The following DNAH5 variants were observed in gnomAD, a reference collection of about 807,000 sequenced individuals.
DNAH5 encodes the protein dynein axonemal heavy chain 5, also known as axonemal beta dynein heavy chain 5.
In DNAH5, 372 loss-of-function variants were observed where a neutral mutation model predicts 518.2. The observed-to-expected ratio is 0.72, with a 90% CI of 0.66 to 0.78. DNAH5 has a LOEUF of 0.78. Among genes scored for constraint, DNAH5 ranks in the 30% least tolerant of loss-of-function variants. The pLI, the probability that DNAH5 is intolerant of heterozygous loss-of-function variation, is 0.00. For missense variants in DNAH5, 5,523 were observed against 5,687.0 expected, an observed-to-expected ratio of 0.97 and a Z score of 0.93; for synonymous variants, 2,039 against 2,025.9, an observed-to-expected ratio of 1.01 and a Z score of -0.17.
At chr5:13,808,203 C>A (rs1435996874) in intron 46 of DNAH5, among the ~76,000 whole-genome samples, 8 of 139,088 alleles carry the variant, frequency 5.8e-5, no homozygotes, top group Non-Finnish European at 1.2e-4. Context: ...GCACTCTAAC[C>A]TGGGTGACAG....
intron 59 of DNAH5, among the ~76,000 whole-genome samples, chr5:13,764,841 C>T (rs1752294541): frequency 6.6e-6 from 1 of 152,214 alleles, no homozygotes; most frequent in South Asian, 2.1e-4. Flanking sequence ...TATAGTGTTT[C>T]ACACTGGTGC....
rs982211897 is a variant in DNAH5 at position 13,862,568 on chromosome 5, C to T, written c.4776G>A (p.Leu1592=). 5 of 1,613,902 alleles carry T rather than the reference C, an allele frequency of 3.1e-6. No individual in the cohort carries two copies. The highest frequency in any genetic ancestry group is 4.2e-6 in the Non-Finnish European group (5 of 1,179,908). ...IANMEDSLML[L]GSLLSNRYNM... ...CCCACCTGTTGCTCAGTAGGGATCC[C>T]AGCAACATCAAGCTGTCCTCCATGT... is the stretch of plus-strand genomic sequence containing the variant. Residue 1592 remains leucine (L), a synonymous_variant, in exon 29 of 79, where the codon CTG becomes CTA. Coordinates refer to ENST00000265104, the MANE Select transcript of DNAH5 (RefSeq NM_001369.3).
chr5:13,801,160 TG>T (rs1370206374), intron 47 of DNAH5, among the ~76,000 whole-genome samples: 2 of 152,108 alleles, frequency 1.3e-5, no homozygotes, highest in Admixed American at 6.5e-5. Flanking sequence ...TGAGGCCTGG[TG>T]GGAGGTGACT....
At chr5:13,810,438 G>A in intron 44 of DNAH5, 178 bp from the exon 45 acceptor site, 5 of 682,414 alleles carry the variant, frequency 7.3e-6, no homozygotes, top group East Asian at 2.7e-5. Flanking sequence ...ATAGCAAGCT[G>A]CCTTTAAACA....
chr5:13,913,825 T>C lies in DNAH5; in HGVS notation c.1454A>G (p.Asp485Gly), dbSNP rs1178010843. The C allele has an allele frequency of 2.5e-6, 4 of 1,613,552 alleles. No individual in the cohort carries two copies. The highest frequency in any genetic ancestry group is 1.1e-5 in the South Asian group (1 of 91,080). The change falls in exon 11 of 79, where the codon GAC becomes GGC. Residue 485 changes from aspartate (D) to glycine (G), a missense_variant. By Grantham distance (94) the Asp-to-Gly change is moderately conservative. Transcript: ENST00000265104. ...ATACGTCTTGAGGGTTGTAAAGATG[T>C]CTATTATCTTGGCAAGGCGTCGGTG... Reference protein sequence around the residue: ...TFHRRLAKIIDIFTTLKTYSV... With the variant: ...TFHRRLAKIIGIFTTLKTYSV...
chr5:13,841,432 T>C, intron 33 of DNAH5, among the ~76,000 whole-genome samples: 1 of 152,058 alleles, frequency 6.6e-6, no homozygotes, highest in South Asian at 2.1e-4. Flanking sequence ...AAAAGATTGA[T>C]TAGGGAAAAA....
chr5:13,691,768 T>G lies in DNAH5; in HGVS notation c.*216A>C. ...AGGATGCTGTAAATTTACTTTTATATCACTAAATAACATTTTCAACAAACT... is the reference window on the plus strand; with the variant it reads ...AGGATGCTGTAAATTTACTTTTATAGCACTAAATAACATTTTCAACAAACT... On this transcript the variant is annotated 3_prime_UTR_variant, in exon 79 of 79. Coordinates refer to ENST00000265104, the MANE Select transcript of DNAH5 (RefSeq NM_001369.3). The G allele has an allele frequency of 1.7e-6, 1 of 585,784 alleles. No individual in the cohort carries two copies. The highest frequency in any genetic ancestry group is 3.0e-6 in the Non-Finnish European group (1 of 335,712). 36.3% of individuals were successfully genotyped at this position (585,784 alleles called of 1,614,324 possible). A position where few individuals can be genotyped will look rare whatever the true frequency, so the allele number is the denominator to read the frequency against.
chr5:13,697,395 G>T (rs983971025), intron 78 of DNAH5, among the ~76,000 whole-genome samples: 1 of 152,142 alleles, frequency 6.6e-6, no homozygotes, highest in African/African-American at 2.4e-5. Context: ...GAACCTTCGT[G>T]TTCCTAATCT....
chr5:13,870,715 A>T (rs1769961940), intron 24 of DNAH5, 52 bp downstream of exon 24: 2 of 1,470,470 alleles, frequency 1.4e-6, no homozygotes, highest in Admixed American at 3.5e-5. Flanking sequence ...TTCAGCTAAT[A>T]GCATCCAACA....
intron 17 of DNAH5, among the ~76,000 whole-genome samples, chr5:13,889,632 C>A (rs1332591467): frequency 6.6e-6 from 1 of 152,190 alleles, no homozygotes; most frequent in Admixed American, 6.5e-5. Context: ...TTCTGGGAGT[C>A]TGGAATTCTG....
At position 13,839,543 on chromosome 5, in the gene DNAH5, G is replaced by A; in HGVS notation, c.5710-15C>T. On this transcript the variant is annotated splice_polypyrimidine_tract_variant and intron_variant, in intron 34 of 78. Transcript: ENST00000265104. ...TGCATATGACACTGAAATTCAAAAG[G>A]TATATGTTAGAGCTCTGATGAGAAT... 2 of 1,605,890 alleles carry A rather than the reference G, an allele frequency of 1.2e-6. No homozygotes were observed. The highest frequency in any genetic ancestry group is 1.7e-6 in the Non-Finnish European group (2 of 1,173,242).
intron 43 of DNAH5, among the ~76,000 whole-genome samples, chr5:13,814,065 A>G (rs1761086668): frequency 6.6e-6 from 1 of 152,180 alleles, no homozygotes; most frequent in African/African-American, 2.4e-5. Context: ...AATATATTCT[A>G]GGATATATTG....
intron 50 of DNAH5, among the ~76,000 whole-genome samples, chr5:13,791,200 G>A (rs1463404049): frequency 1.3e-5 from 2 of 152,148 alleles, no homozygotes; most frequent in East Asian, 3.9e-4. Context: ...TTAATGAACA[G>A]TTTTGTTGAT....
Position 13,832,558 on chromosome 5 carries a change from G to A in DNAH5, c.5883-1783C>T, listed in dbSNP as rs144031815. ...TATTTTCAAAACCGTTTCCATTCATGAACAGGGTTTGAACTTTATGTGTTT... is the reference window on the plus strand; with the variant it reads ...TATTTTCAAAACCGTTTCCATTCATAAACAGGGTTTGAACTTTATGTGTTT... On this transcript the variant is annotated intron_variant, in intron 35 of 78. Coordinates refer to ENST00000265104, the MANE Select transcript of DNAH5 (RefSeq NM_001369.3). Among the ~76,000 whole-genome samples the A allele has an allele frequency of 5.9e-3, 901 of 152,270 alleles. 6 individuals carry two copies. Among genetic ancestry groups the A allele is most frequent in the African/African-American group, 0.021 (859 of 41,538 alleles).
rs192514138 is a variant in DNAH5, at chr5:14,001,512, C to T, written c.12+10136G>A. ...CTGAGTAGCTGGGACTACAGGCGCCCGCCACCACACCCAGCTAATTTTTTA... is the reference window on the plus strand; with the variant it reads ...CTGAGTAGCTGGGACTACAGGCGCCTGCCACCACACCCAGCTAATTTTTTA... On this transcript the variant is annotated intron_variant, in intron 1 of 78. Transcript: ENST00000681290. 4.0e-5 allele frequency among the ~76,000 whole-genome samples: 6 copies of T among 151,812 alleles called. No individual in the cohort carries two copies. In the South Asian group the frequency reaches 6.3e-4, roughly 16 times the overall value.
chr5:13,734,951 A>G (rs924691568), intron 68 of DNAH5, among the ~76,000 whole-genome samples, 180 bp downstream of exon 68: 1 of 152,176 alleles, frequency 6.6e-6, no homozygotes, highest in Non-Finnish European at 1.5e-5. Flanking sequence ...ATGCCCAGGT[A>G]TACAGTAGGT....
intron 65 of DNAH5, among the ~76,000 whole-genome samples, chr5:13,746,567 A>G (rs563350857): frequency 2.6e-5 from 4 of 152,180 alleles, no homozygotes; most frequent in Non-Finnish European, 5.9e-5. Flanking sequence ...TGAATAACTA[A>G]TATGTATCAC....
chr5:13,841,237 T>A (rs1765117749), intron 33 of DNAH5, 107 bp from the exon 34 acceptor site: 1 of 885,016 alleles, frequency 1.1e-6, no homozygotes, highest in Admixed American at 2.2e-5. Flanking sequence ...TGTAAAGCCA[T>A]GATTACATCA....
In DNAH5 at chr5:13,836,036, G is replaced by A. The variant is rs561881864; in HGVS notation, c.5882+3320C>T. On this transcript the variant is annotated intron_variant, in intron 35 of 78. Transcript: ENST00000265104. ...GGAAGGGCTTCAGGGTTACTCCAGG[G>A]AGTGTTGGATTGCCCATTTGGAGGT... 2.0e-5 allele frequency among the ~76,000 whole-genome samples: 3 copies of A among 152,270 alleles called. No individual in the cohort carries two copies. The East Asian group carries it at 5.8e-4, about 29-fold the overall frequency.
Sources: allele counts gnomAD v4.1 joint callset (sites outside exome capture counted in the v4.1 genomes callset), GRCh38; gene constraint gnomAD v4.1.1; transcripts MANE v1.5; gene names NCBI Gene and HGNC (gene_info 2026-07-23, HGNC 2026-07-21).